CCSER2: variants seen among roughly 807,000 people sequenced by gnomAD.
CCSER2 encodes the protein coiled-coil serine rich protein 2, also known as serine-rich coiled-coil domain-containing protein 2.
In CCSER2, 46 loss-of-function variants were observed where a neutral mutation model predicts 92.3. The observed-to-expected ratio is 0.50, with a 90% CI of 0.39 to 0.64. The LOEUF is 0.64. Ranked by LOEUF, CCSER2 falls within the 30% of genes least tolerant of loss-of-function variation. The pLI is 0.00. For synonymous variants in CCSER2, 433 were observed against 431.4 expected (o/e 1.00, Z -0.04); for missense variants, 1,244 against 1,238.9 (o/e 1.00, Z -0.06).
At chr10:84,462,038 A>G (rs193050384) in intron 6 of CCSER2, among the ~76,000 whole-genome samples, 4 of 152,298 alleles carry the variant, frequency 2.6e-5, no homozygotes, top group East Asian at 3.9e-4. Flanking sequence ...CATGCTTTCC[A>G]GATCTGTTCT....
In CCSER2 at chr10:84,442,688, T is replaced by A. The variant is rs560685473; in HGVS notation, c.2064+3981T>A. Reference sequence around the variant, plus strand: ...GTGCCTTATCCAGTGATCAGTTAATTAACTGGATATGTTAAAAATGTAGTA... The same window carrying A: ...GTGCCTTATCCAGTGATCAGTTAATAAACTGGATATGTTAAAAATGTAGTA... On this transcript the variant is annotated intron_variant, in intron 6 of 9. Transcript: ENST00000372088. 4.6e-5 allele frequency among the ~76,000 whole-genome samples: 7 copies of A among 152,326 alleles called. No individual in the cohort carries two copies. In the South Asian group the frequency reaches 1.2e-3, roughly 27 times the overall value.
intron 1 of CCSER2, among the ~76,000 whole-genome samples, chr10:84,360,558 C>T (rs1403637572): frequency 3.9e-5 from 6 of 152,140 alleles, no homozygotes; most frequent in African/African-American, 1.2e-4. Context: ...ATACATAAAT[C>T]TTAAATGATG....
intron 1 of CCSER2, among the ~76,000 whole-genome samples, chr10:84,348,942 T>A (rs1424230096): frequency 3.3e-5 from 5 of 152,192 alleles, no homozygotes; most frequent in African/African-American, 9.6e-5. Flanking sequence ...ATCTCCTAAA[T>A]ACTTCAACAT....
intron 6 of CCSER2, among the ~76,000 whole-genome samples, chr10:84,446,245 T>C (rs1844908788): frequency 6.6e-6 from 1 of 152,238 alleles, no homozygotes. Flanking sequence ...TTATATTATG[T>C]CTACTTCAGG....
In CCSER2 at chr10:84,344,168, A is replaced by G. The variant is rs541987992; in HGVS notation, c.-40+15360A>G. On this transcript the variant is annotated intron_variant, in intron 1 of 9. Transcript: ENST00000372088. ...CATAGAAGAGCCCTTTAGTCTCTTGAAATTTTTTTTGGTTTGCTAATAGTA... is the reference window on the plus strand; with the variant it reads ...CATAGAAGAGCCCTTTAGTCTCTTGGAATTTTTTTTGGTTTGCTAATAGTA... Among the ~76,000 whole-genome samples the G allele has an allele frequency of 5.9e-5, 9 of 152,270 alleles. 1 individual carries two copies. The East Asian group carries it at 1.2e-3, about 20-fold the overall frequency.
intron 6 of CCSER2, chr10:84,456,069 C>A (rs1845598126): frequency 2.4e-6 from 1 of 420,818 alleles, no homozygotes; most frequent in South Asian, 2.0e-5. Context: ...CGGGCTGGGT[C>A]AGGCCAAAGA....
chr10:84,419,794 C>G (rs1316849080), intron 4 of CCSER2, among the ~76,000 whole-genome samples: 3 of 152,196 alleles, frequency 2.0e-5, no homozygotes, highest in African/African-American at 7.2e-5. Context: ...TGAATTGCAG[C>G]ACAATTCTTT....
intron 1 of CCSER2, among the ~76,000 whole-genome samples, chr10:84,339,131 T>TG (rs1844026233): frequency 6.6e-6 from 1 of 151,790 alleles, no homozygotes; most frequent in South Asian, 2.1e-4. Flanking sequence ...TTTGTTTTTT[T>TG]TTTTGCCTGT....
intron 1 of CCSER2, among the ~76,000 whole-genome samples, chr10:84,356,299 CA>C (rs905689587): frequency 6.6e-6 from 1 of 152,044 alleles, no homozygotes; most frequent in African/African-American, 2.4e-5. Flanking sequence ...GCAAATCAAG[CA>C]GATTCTCAGT....
At chr10:84,403,042 C>G (rs1461466387) in intron 3 of CCSER2, among the ~76,000 whole-genome samples, 3 of 152,136 alleles carry the variant, frequency 2.0e-5, no homozygotes, top group African/African-American at 4.8e-5. Flanking sequence ...GCAAGAATTA[C>G]TCTACCTGAT....
intron 5 of CCSER2, among the ~76,000 whole-genome samples, chr10:84,437,616 T>C (rs1011629318): frequency 6.6e-6 from 1 of 152,172 alleles, no homozygotes; most frequent in Non-Finnish European, 1.5e-5. Context: ...TTTTGCTTTT[T>C]ACTCCCATGA....
Position 84,394,385 on chromosome 10 carries a change from ATGTGTGTGTGTGTGTGTG to A in CCSER2, c.1614+20592_1614+20609del, listed in dbSNP as rs60891669. On this transcript the variant is annotated intron_variant, in intron 3 of 9. Transcript: ENST00000372088. ...GCTCTTGAAATAACAAAAGGAAAGT[ATGTGTGTGTGTGTGTGTG>A]TGTGTGTGTGTGTGTGTGTGTTGGG... is the stretch of plus-strand genomic sequence containing the variant. Among the ~76,000 whole-genome samples, 45 of 132,682 alleles carry A rather than the reference ATGTGTGTGTGTGTGTGTG, an allele frequency of 3.4e-4. 1 individual carries two copies. The highest frequency in any genetic ancestry group is 1.4e-3 in the Admixed American group (20 of 14,098). 87.0% of individuals were successfully genotyped at this position (132,682 alleles called of 152,430 possible). A position where few individuals can be genotyped will look rare whatever the true frequency, so the allele number is the denominator to read the frequency against.
chr10:84,373,454 G>C (rs1285109261), intron 2 of CCSER2, among the ~76,000 whole-genome samples, 165 bp from the exon 3 acceptor site: 1 of 152,014 alleles, frequency 6.6e-6, no homozygotes, highest in Non-Finnish European at 1.5e-5. Context: ...AAAGATTTTG[G>C]CTCTTGATGT....
At chr10:84,338,547 G>A (rs550518558) in intron 1 of CCSER2, among the ~76,000 whole-genome samples, 1 of 152,216 alleles carries the variant, frequency 6.6e-6, no homozygotes, top group East Asian at 1.9e-4. Context: ...ATCCTCATCT[G>A]TGCACTCAAG....
At chr10:84,382,200 T>G (rs1024601809) in intron 3 of CCSER2, among the ~76,000 whole-genome samples, 1 of 152,218 alleles carries the variant, frequency 6.6e-6, no homozygotes, top group African/African-American at 2.4e-5. Context: ...TGGGGACTCC[T>G]GACACAGGTA....
At chr10:84,460,357 G>A (rs959599771) in intron 6 of CCSER2, among the ~76,000 whole-genome samples, 1 of 149,828 alleles carries the variant, frequency 6.7e-6, no homozygotes, top group Admixed American at 6.7e-5. Context: ...CCCCCGTCTT[G>A]GCCTCCCAAA....
At chr10:84,417,911 G>C in intron 4 of CCSER2, 50 bp downstream of exon 4, 1 of 880,496 alleles carries the variant, frequency 1.1e-6, no homozygotes, top group African/African-American at 1.6e-5. Flanking sequence ...TGAGCTACTC[G>C]ACTGTAGCCA....
At chr10:84,475,473 TAGAC>T (rs749697317) in intron 8 of CCSER2, among the ~76,000 whole-genome samples, 53 of 152,202 alleles carry the variant, frequency 3.5e-4, no homozygotes, top group Admixed American at 9.2e-4. Context: ...AAATAAATCA[TAGAC>T]AGTCTGCTAC....
At chr10:84,343,056 A>T (rs965230263) in intron 1 of CCSER2, among the ~76,000 whole-genome samples, 4 of 152,128 alleles carry the variant, frequency 2.6e-5, no homozygotes, top group Admixed American at 6.6e-5. Flanking sequence ...TATTTTTAGT[A>T]GAGTCCGGGG....
Sources: allele counts gnomAD v4.1 joint callset (sites outside exome capture counted in the v4.1 genomes callset), GRCh38; gene constraint gnomAD v4.1.1; transcripts MANE v1.5; gene names NCBI Gene and HGNC (gene_info 2026-07-23, HGNC 2026-07-21).